The following CRHR1 variants were observed in gnomAD, a reference collection of about 807,000 sequenced individuals.
CRHR1 encodes corticotropin-releasing hormone receptor 1.
CRHR1 carries 28 observed loss-of-function variants against 56.0 expected under a neutral mutation model. The observed-to-expected ratio is 0.50, with a 90% CI of 0.37 to 0.69. The LOEUF (loss-of-function observed/expected upper bound fraction) is 0.69, where lower values mean the gene tolerates loss of function less well. Ranked by LOEUF, CRHR1 falls within the 30% of genes least tolerant of loss-of-function variation. CRHR1 has a pLI of 0.00. For synonymous variants in CRHR1, 195 were observed against 216.5 expected (o/e 0.90, Z 0.87); for missense variants, 376 against 548.0 (o/e 0.69, Z 3.13).
intron 1 of CRHR1, among the ~76,000 whole-genome samples, chr17:45,796,661 G>T (rs1056854475): frequency 1.3e-5 from 2 of 152,186 alleles, no homozygotes; most frequent in African/African-American, 4.8e-5. Context: ...GAACAGTGGG[G>T]AGATAGTAAA....
chr17:45,833,952 G>A (rs1023020468), intron 11 of CRHR1, 55 bp from the exon 12 acceptor site: 5 of 1,613,204 alleles, frequency 3.1e-6, no homozygotes, highest in Middle Eastern at 1.6e-4. Context: ...GCAGCCCAGA[G>A]GCTGGGTGGG....
rs763994394 is a variant in CRHR1, at chr17:45,834,588, C to T, written c.1108-36C>T. 4.4e-6 allele frequency: 7 copies of T among 1,580,240 alleles called. No individual in the cohort carries two copies. In the East Asian group the frequency reaches 9.0e-5, roughly 20 times the overall value. On this transcript the variant is annotated intron_variant, in intron 12 of 12. Transcript: ENST00000314537. ...AGGGGAGGGAGGGGGTCCTGAGCCA[C>T]AGGCTCAGATGTCGTGCTCCTCCCT...
At chr17:45,814,231 A>G (rs961892353) in intron 2 of CRHR1, among the ~76,000 whole-genome samples, 2 of 152,242 alleles carry the variant, frequency 1.3e-5, no homozygotes, top group East Asian at 1.9e-4. Context: ...TGAGGAGTGA[A>G]TGAGCAAGCT....
intron 1 of CRHR1, among the ~76,000 whole-genome samples, chr17:45,805,778 G>C (rs2146304518): frequency 6.6e-6 from 1 of 152,196 alleles, no homozygotes; most frequent in Admixed American, 6.5e-5. Context: ...CCTCACTCAT[G>C]CTTCTTAACC....
rs567026815 is a variant in CRHR1 at position 45,834,857 on chromosome 17, A to T, written c.*93A>T. 1 of 1,543,482 alleles carries T rather than the reference A, an allele frequency of 6.5e-7. No individual in the cohort carries two copies. Among genetic ancestry groups the T allele is most frequent in the South Asian group, 1.1e-5 (1 of 87,168 alleles). On this transcript the variant is annotated 3_prime_UTR_variant, in exon 13 of 13. Coordinates refer to ENST00000314537, the MANE Select transcript of CRHR1 (RefSeq NM_004382.5). ...ACCCTGCCTGTGGAGGTGACCTGTT[A>T]GGTCTCATGCCCACTCCCCCAGGAG... is the stretch of plus-strand genomic sequence containing the variant.
In CRHR1 at chr17:45,834,876, C is replaced by A. The variant is rs1220979027; in HGVS notation, c.*112C>A. ...CCTGTTAGGTCTCATGCCCACTCCC[C>A]CAGGAGCAGCTGGCACTGACAGCCT... On this transcript the variant is annotated 3_prime_UTR_variant, in exon 13 of 13. Coordinates refer to ENST00000314537, the MANE Select transcript of CRHR1 (RefSeq NM_004382.5). 2 of 1,433,338 alleles carry A rather than the reference C, an allele frequency of 1.4e-6. No individual in the cohort carries two copies. Among genetic ancestry groups the A allele is most frequent in the Non-Finnish European group, 9.5e-7 (1 of 1,052,076 alleles). 88.8% of individuals were successfully genotyped at this position (1,433,338 alleles called of 1,614,324 possible). A position where few individuals can be genotyped will look rare whatever the true frequency, so the allele number is the denominator to read the frequency against.
chr17:45,805,835 A>G (rs1411333617), intron 1 of CRHR1, among the ~76,000 whole-genome samples: 1 of 152,134 alleles, frequency 6.6e-6, no homozygotes, highest in Non-Finnish European at 1.5e-5. Context: ...TCCTCCAACA[A>G]CTAAATAAAA....
intron 1 of CRHR1, among the ~76,000 whole-genome samples, chr17:45,803,873 A>G (rs1295822912): frequency 6.6e-6 from 1 of 152,184 alleles, no homozygotes; most frequent in Admixed American, 6.5e-5. Flanking sequence ...GTCCCCTTCT[A>G]GAAGGGGCCT....
intron 1 of CRHR1, among the ~76,000 whole-genome samples, chr17:45,803,631 C>T (rs957770399): frequency 1.3e-5 from 2 of 152,222 alleles, no homozygotes; most frequent in African/African-American, 2.4e-5. Context: ...GGTGATCCGC[C>T]TGCCTTGGCC....
intron 2 of CRHR1, among the ~76,000 whole-genome samples, chr17:45,814,585 A>T (rs1402390773): frequency 6.6e-6 from 1 of 152,224 alleles, no homozygotes; most frequent in Non-Finnish European, 1.5e-5. Context: ...ACAGCAGGGC[A>T]TGGCCTCTAT....
chr17:45,808,232 G>C (rs1033633363), intron 2 of CRHR1, among the ~76,000 whole-genome samples: 1 of 152,344 alleles, frequency 6.6e-6, no homozygotes. Context: ...AGAAACAGAC[G>C]CAAGTGTCTG....
intron 4 of CRHR1, among the ~76,000 whole-genome samples, chr17:45,825,144 TTAAGCTCCAGCGCCCTGGGGTATCGCAGA>T (rs2062130514): frequency 6.6e-6 from 1 of 152,192 alleles, no homozygotes; most frequent in Non-Finnish European, 1.5e-5. Context: ...TAAGCCCTAA[TTAAGCTCCAGCGCCCTGGGGTATCGCAGA>T]TAATGGATTC....
chr17:45,835,216 C>T lies in CRHR1; in HGVS notation c.*452C>T, dbSNP rs878887. On this transcript the variant is annotated 3_prime_UTR_variant, in exon 13 of 13. Coordinates refer to ENST00000314537, the MANE Select transcript of CRHR1 (RefSeq NM_004382.5). ...GACAGCCTCTGACTCACCACGATGACGCCTCTGGACCTCGGTGATGCCTTC... is the reference window on the plus strand; with the variant it reads ...GACAGCCTCTGACTCACCACGATGATGCCTCTGGACCTCGGTGATGCCTTC... The T allele has an allele frequency of 0.15, 24,959 of 169,452 alleles. 2,482 individuals carry two copies. The highest frequency in any genetic ancestry group is 0.22 in the Middle Eastern group (80 of 364). The allele number at this position is 169,452 out of a possible 1,614,324, so 10.5% of individuals were successfully genotyped here.
intron 5 of CRHR1, 176 bp downstream of exon 5, chr17:45,829,497 T>C: frequency 6.8e-7 from 1 of 1,470,340 alleles, no homozygotes; most frequent in Non-Finnish European, 9.3e-7. Context: ...CGCTCTGCCC[T>C]CTCCCCAGTA....
rs778180151 is a variant in CRHR1 at position 45,829,285 on chromosome 17, C to T, written c.398C>T (p.Ala133Val). The part of the protein sequence containing the change: ...NYLGHCISLV[A>V]LLVAFVLFLR... ...CTGGGCCACTGTATCTCCCTGGTGGCCCTCCTGGTGGCCTTTGTCCTCTTT... is the reference window on the plus strand; with the variant it reads ...CTGGGCCACTGTATCTCCCTGGTGGTCCTCCTGGTGGCCTTTGTCCTCTTT... Residue 133 changes from alanine to valine, a missense_variant, in exon 5 of 13, where the codon GCC becomes GTC. Coordinates refer to ENST00000314537, the MANE Select transcript of CRHR1 (RefSeq NM_004382.5). 1 of 1,614,116 alleles carries T rather than the reference C, an allele frequency of 6.2e-7. No individual in the cohort carries two copies. The highest frequency in any genetic ancestry group is 1.3e-5 in the African/African-American group (1 of 75,060).
At chr17:45,815,240 G>T (rs910293712) in intron 2 of CRHR1, among the ~76,000 whole-genome samples, 1 of 152,194 alleles carries the variant, frequency 6.6e-6, no homozygotes, top group African/African-American at 2.4e-5. Context: ...GGACACTGGG[G>T]CTCAAAAGGA....
At chr17:45,815,158 G>A (rs1158038473) in intron 2 of CRHR1, among the ~76,000 whole-genome samples, 1 of 152,210 alleles carries the variant, frequency 6.6e-6, no homozygotes, top group East Asian at 1.9e-4. Flanking sequence ...CCCCACACGC[G>A]CTGGTTCATG....
intron 1 of CRHR1, among the ~76,000 whole-genome samples, chr17:45,794,171 C>T (rs150871399): frequency 5.9e-5 from 9 of 152,354 alleles, no homozygotes; most frequent in Non-Finnish European, 1.0e-4. Flanking sequence ...GCCTGCACCA[C>T]GTGATTCACC....
intron 1 of CRHR1, among the ~76,000 whole-genome samples, chr17:45,787,639 CAG>C (rs2061359143): frequency 1.3e-5 from 2 of 152,252 alleles, no homozygotes; most frequent in African/African-American, 4.8e-5. Context: ...GCCCTCTCCT[CAG>C]TGTCACAGCC....
Sources: allele counts gnomAD v4.1 joint callset (sites outside exome capture counted in the v4.1 genomes callset), GRCh38; gene constraint gnomAD v4.1.1; transcripts MANE v1.5; gene names NCBI Gene and HGNC (gene_info 2026-07-23, HGNC 2026-07-21).